ENOX1: variants seen among roughly 807,000 people sequenced by gnomAD.
ENOX1 encodes the protein ecto-NOX disulfide-thiol exchanger 1.
ENOX1 carries 42 observed loss-of-function variants against 82.5 expected under a neutral mutation model. The observed-to-expected ratio is 0.51, with a 90% CI of 0.40 to 0.66. The LOEUF is 0.66. Among genes scored for constraint, ENOX1 ranks in the 30% least tolerant of loss-of-function variants. The probability of loss-of-function intolerance (pLI) is 0.00; values close to 1 mark genes in which losing one functional copy is unlikely to be tolerated. For synonymous variants in ENOX1, 271 were observed against 282.2 expected (o/e 0.96, Z 0.40); for missense variants, 608 against 811.6 (o/e 0.75, Z 3.05).
chr13:43,453,980 A>T (rs1594703778), intron 3 of ENOX1, among the ~76,000 whole-genome samples: 1 of 152,132 alleles, frequency 6.6e-6, no homozygotes, highest in African/African-American at 2.4e-5. Context: ...GCTATTAGAC[A>T]TGAGATAGAT....
chr13:43,538,998 A>G (rs1045673019), intron 2 of ENOX1, among the ~76,000 whole-genome samples: 12 of 151,500 alleles, frequency 7.9e-5, no homozygotes, highest in Non-Finnish European at 1.8e-4. Flanking sequence ...TAATTTTTTC[A>G]TTTTTCAAGG....
intron 3 of ENOX1, among the ~76,000 whole-genome samples, chr13:43,413,892 T>C (rs1048877650): frequency 6.6e-6 from 1 of 151,700 alleles, no homozygotes; most frequent in African/African-American, 2.4e-5. Context: ...TAAGTGCACT[T>C]TCACCATTTC....
chr13:43,418,845 A>T (rs2054797916), intron 3 of ENOX1, among the ~76,000 whole-genome samples: 1 of 152,244 alleles, frequency 6.6e-6, no homozygotes, highest in Non-Finnish European at 1.5e-5. Flanking sequence ...ATTTATGTTC[A>T]GTATTTCATT....
At chr13:43,226,766 C>G (rs2042044284) in intron 15 of ENOX1, among the ~76,000 whole-genome samples, 1 of 152,140 alleles carries the variant, frequency 6.6e-6, no homozygotes, top group South Asian at 2.1e-4. Context: ...TTTTTCTCCT[C>G]CTCCCCTGCA....
intron 2 of ENOX1, among the ~76,000 whole-genome samples, chr13:43,624,177 T>C (rs1278319368): frequency 2.6e-5 from 4 of 152,242 alleles, no homozygotes; most frequent in Non-Finnish European, 5.9e-5. Context: ...TAATGACTAA[T>C]GATGTTCAGC....
chr13:43,474,288 C>G (rs1370062502), intron 3 of ENOX1, among the ~76,000 whole-genome samples: 1 of 152,136 alleles, frequency 6.6e-6, no homozygotes, highest in Non-Finnish European at 1.5e-5. Context: ...TGAAACATCA[C>G]CTACTTCCAA....
intron 1 of ENOX1, among the ~76,000 whole-genome samples, chr13:43,690,206 T>C (rs2086281608): frequency 6.6e-6 from 1 of 151,056 alleles, no homozygotes; most frequent in Non-Finnish European, 1.5e-5. Flanking sequence ...GATTTTTGTA[T>C]TTAGAACACT....
chr13:43,403,839 C>CAAA lies in ENOX1; in HGVS notation c.208+8074_208+8076dup, dbSNP rs59860320. 4.8e-3 allele frequency among the ~76,000 whole-genome samples: 695 copies of CAAA among 143,308 alleles called. 3 individuals carry two copies. The highest frequency in any genetic ancestry group is 0.016 in the African/African-American group (651 of 40,178). The allele number at this position is 143,308 out of a possible 152,430, so 94.0% of individuals were successfully genotyped here. On this transcript the variant is annotated intron_variant, in intron 5 of 16. Coordinates refer to ENST00000690772, the MANE Select transcript of ENOX1 (RefSeq NM_001347969.2). The stretch of plus-strand genomic sequence containing the variant: ...TGGATGACAGAGTAAAATCTTGTCT[C>CAAA]AAAAAAAAAAATAAATAAATAAAAA...
In ENOX1 at chr13:43,741,083, C is replaced by CT. The variant is rs35602155; in HGVS notation, c.-285+45568dup. Reference sequence around the variant, plus strand: ...AAACTGTTCTCCAAAATGGCTGAAACTTTTTTTTTTTTTTTTTTTGAGACA... The same window carrying CT: ...AAACTGTTCTCCAAAATGGCTGAAACTTTTTTTTTTTTTTTTTTTTGAGACA... On this transcript the variant is annotated intron_variant, in intron 1 of 16. Coordinates refer to ENST00000690772, the MANE Select transcript of ENOX1 (RefSeq NM_001347969.2). Among the ~76,000 whole-genome samples the CT allele has an allele frequency of 9.8e-3, 1,241 of 127,114 alleles. 24 individuals carry two copies. The highest frequency in any genetic ancestry group is 0.054 in the Admixed American group (669 of 12,404). The allele number at this position is 127,114 out of a possible 152,430, so 83.4% of individuals were successfully genotyped here.
chr13:43,295,776 T>G (rs1283432278), intron 12 of ENOX1, among the ~76,000 whole-genome samples: 4 of 152,142 alleles, frequency 2.6e-5, no homozygotes, highest in Non-Finnish European at 1.5e-5. Flanking sequence ...GGATTCAAAT[T>G]AGCAAATTGT....
intron 5 of ENOX1, among the ~76,000 whole-genome samples, chr13:43,365,997 T>C (rs1305093011): frequency 6.6e-6 from 1 of 152,232 alleles, no homozygotes; most frequent in African/African-American, 2.4e-5. Flanking sequence ...CTATCATCAC[T>C]CTGCAGAGAA....
At chr13:43,479,922 T>C (rs1490649754) in intron 3 of ENOX1, among the ~76,000 whole-genome samples, 4 of 151,668 alleles carry the variant, frequency 2.6e-5, no homozygotes, top group Non-Finnish European at 4.4e-5. Context: ...AACATTCTTT[T>C]ATTTATTTTT....
intron 1 of ENOX1, among the ~76,000 whole-genome samples, chr13:43,761,870 A>G (rs1471755960): frequency 6.6e-6 from 1 of 152,194 alleles, no homozygotes; most frequent in African/African-American, 2.4e-5. Context: ...GCAATAAAAA[A>G]CAATAAAATA....
chr13:43,340,815 T>C (rs890427329), intron 9 of ENOX1, among the ~76,000 whole-genome samples: 3 of 152,220 alleles, frequency 2.0e-5, no homozygotes, highest in Non-Finnish European at 2.9e-5. Context: ...TGTCTTCTGA[T>C]CTACTCATTC....
chr13:43,526,951 GAC>G (rs2153685887), intron 2 of ENOX1, among the ~76,000 whole-genome samples: 1 of 152,140 alleles, frequency 6.6e-6, no homozygotes, highest in African/African-American at 2.4e-5. Context: ...GCCGTGTGAA[GAC>G]ACAGCATTCC....
chr13:43,644,918 T>C (rs1032581924), intron 2 of ENOX1, among the ~76,000 whole-genome samples: 2 of 152,194 alleles, frequency 1.3e-5, no homozygotes, highest in Admixed American at 6.5e-5. Context: ...TGGGTTTTGG[T>C]TATCTCATAG....
chr13:43,579,936 GT>G (rs1185469597), intron 2 of ENOX1, among the ~76,000 whole-genome samples: 1 of 152,154 alleles, frequency 6.6e-6, no homozygotes, highest in Non-Finnish European at 1.5e-5. Context: ...AGTTCAAGGT[GT>G]TCTTCCAGAT....
chr13:43,592,438 T>C (rs1347528882), intron 2 of ENOX1, among the ~76,000 whole-genome samples: 1 of 152,190 alleles, frequency 6.6e-6, no homozygotes, highest in Non-Finnish European at 1.5e-5. Context: ...TAAAATACCA[T>C]CATTGCATTT....
At chr13:43,692,888 C>T (rs571968334) in intron 1 of ENOX1, among the ~76,000 whole-genome samples, 1 of 152,150 alleles carries the variant, frequency 6.6e-6, no homozygotes, top group South Asian at 2.1e-4. Flanking sequence ...AGAATTTTCA[C>T]CAGAATGTAT....
Sources: allele counts gnomAD v4.1 joint callset (sites outside exome capture counted in the v4.1 genomes callset), GRCh38; gene constraint gnomAD v4.1.1; transcripts MANE v1.5; gene names NCBI Gene and HGNC (gene_info 2026-07-23, HGNC 2026-07-21).